Variants in AUTS2 observed in about 807,000 individuals in gnomAD.
The protein encoded by AUTS2 is autism susceptibility gene 2 protein.
A neutral mutation model predicts 112.4 loss-of-function variants in AUTS2; 17 were observed. That is an observed-to-expected ratio of 0.15 (90% CI 0.10 to 0.23). AUTS2 has a LOEUF of 0.23. AUTS2 is among the 10% of genes least tolerant of loss of function. The pLI, the probability that AUTS2 is intolerant of heterozygous loss-of-function variation, is 1.00. For missense variants in AUTS2, 1,510 were observed against 1,701.6 expected (o/e 0.89, Z 1.98); for synonymous variants, 751 against 702.7 (o/e 1.07, Z -1.09).
In AUTS2 at chr7:70,393,245, T is replaced by C. The variant is rs563462983; in HGVS notation, c.661-42507T>C. On this transcript the variant is annotated intron_variant, in intron 4 of 18. Transcript: ENST00000342771. ...CCTTGTTCCTTCTCAGTTTGTCTTGTTAGCACTCTTTCTTAGCAAGTAAGC... is the reference window on the plus strand; with the variant it reads ...CCTTGTTCCTTCTCAGTTTGTCTTGCTAGCACTCTTTCTTAGCAAGTAAGC... Among the ~76,000 whole-genome samples, 3 of 152,326 alleles carry C rather than the reference T, an allele frequency of 2.0e-5. No individual in the cohort carries two copies. The South Asian group carries it at 6.2e-4, about 32-fold the overall frequency.
chr7:70,497,328 A>G (rs1313604804), intron 5 of AUTS2, among the ~76,000 whole-genome samples: 3 of 151,932 alleles, frequency 2.0e-5, no homozygotes, highest in Non-Finnish European at 4.4e-5. Flanking sequence ...CCACTCACAC[A>G]CATCACGTAC....
At chr7:70,314,610 T>G (rs559846859) in intron 4 of AUTS2, among the ~76,000 whole-genome samples, 1 of 152,350 alleles carries the variant, frequency 6.6e-6, no homozygotes, top group South Asian at 2.1e-4. Flanking sequence ...ATTTTTTTCC[T>G]CTCATCTTAA....
intron 6 of AUTS2, among the ~76,000 whole-genome samples, chr7:70,731,002 T>C (rs1787351992): frequency 6.6e-6 from 1 of 152,226 alleles, no homozygotes; most frequent in Non-Finnish European, 1.5e-5. Context: ...CTAATGATGT[T>C]GAGCATCTTT....
At chr7:70,701,730 G>T (rs1166045621) in intron 6 of AUTS2, among the ~76,000 whole-genome samples, 1 of 152,152 alleles carries the variant, frequency 6.6e-6, no homozygotes, top group Non-Finnish European at 1.5e-5. Flanking sequence ...GCTTAGCGTT[G>T]TAGACACAAA....
intron 1 of AUTS2, among the ~76,000 whole-genome samples, chr7:69,751,374 T>G (rs1490392586): frequency 6.7e-6 from 1 of 149,154 alleles, no homozygotes; most frequent in Admixed American, 6.7e-5. Flanking sequence ...GTTCAAAATA[T>G]TTTTTTTTTG....
At chr7:70,284,178 A>G (rs1788353664) in intron 4 of AUTS2, among the ~76,000 whole-genome samples, 1 of 152,226 alleles carries the variant, frequency 6.6e-6, no homozygotes, top group Admixed American at 6.5e-5. Context: ...TTCCACATCA[A>G]TACCTTATCT....
intron 6 of AUTS2, among the ~76,000 whole-genome samples, chr7:70,761,708 C>T (rs928503412): frequency 2.0e-5 from 3 of 152,134 alleles, no homozygotes; most frequent in African/African-American, 7.2e-5. Flanking sequence ...CCCTTTTGAC[C>T]TTTGGAGGGA....
chr7:70,437,432 T>C (rs1476461004), intron 5 of AUTS2: 1 of 152,282 alleles, frequency 6.6e-6, no homozygotes, highest in Non-Finnish European at 1.5e-5. Flanking sequence ...TGGTACCTTC[T>C]GGCCATTCCA....
intron 4 of AUTS2, among the ~76,000 whole-genome samples, chr7:70,368,563 C>G (rs923655219): frequency 7.2e-5 from 11 of 152,176 alleles, no homozygotes; most frequent in Admixed American, 5.2e-4. Flanking sequence ...TCTATTCATA[C>G]TGTATGGCCA....
At chr7:70,567,024 G>A (rs1801737799) in intron 5 of AUTS2, among the ~76,000 whole-genome samples, 1 of 152,216 alleles carries the variant, frequency 6.6e-6, no homozygotes, top group Non-Finnish European at 1.5e-5. Context: ...TGGATCCCTT[G>A]TAGATTTCTC....
chr7:70,665,443 C>T (rs1342166585), intron 5 of AUTS2, among the ~76,000 whole-genome samples: 2 of 104,630 alleles, frequency 1.9e-5, no homozygotes, highest in African/African-American at 4.2e-5. Flanking sequence ...ATTTATTTAT[C>T]TATTTATCTA....
intron 1 of AUTS2, among the ~76,000 whole-genome samples, chr7:69,759,305 G>T (rs1456544865): frequency 6.6e-6 from 1 of 151,902 alleles, no homozygotes; most frequent in East Asian, 1.9e-4. Flanking sequence ...GGGATATCTT[G>T]GTGGTGGGAC....
intron 2 of AUTS2, among the ~76,000 whole-genome samples, chr7:69,936,388 C>T (rs1352299630): frequency 6.6e-6 from 1 of 152,026 alleles, no homozygotes; most frequent in Non-Finnish European, 1.5e-5. Context: ...CTCTCTCTGT[C>T]GCCCAGGCTG....
chr7:69,748,285 G>A (rs1562856184), intron 1 of AUTS2, among the ~76,000 whole-genome samples: 3 of 152,164 alleles, frequency 2.0e-5, no homozygotes, highest in Non-Finnish European at 2.9e-5. Flanking sequence ...GGGAAACTGC[G>A]TGTGTGGGGA....
At chr7:70,342,683 C>A (rs1791321323) in intron 4 of AUTS2, among the ~76,000 whole-genome samples, 1 of 152,114 alleles carries the variant, frequency 6.6e-6, no homozygotes. Flanking sequence ...CTGAACAGGG[C>A]AGATGTAGAT....
At chr7:70,584,423 G>A (rs796338818) in intron 5 of AUTS2, among the ~76,000 whole-genome samples, 5 of 152,308 alleles carry the variant, frequency 3.3e-5, no homozygotes, top group African/African-American at 1.2e-4. Flanking sequence ...TTATTTCTAG[G>A]GTTTCATTCA....
At chr7:70,016,988 G>A (rs1174832723) in intron 2 of AUTS2, among the ~76,000 whole-genome samples, 1 of 152,122 alleles carries the variant, frequency 6.6e-6, no homozygotes, top group Admixed American at 6.6e-5. Context: ...ACTTTTTAAT[G>A]ATTGTAGGGA....
rs117608326 is a variant in AUTS2, at chr7:69,807,510, C to T, written c.310-91776C>T. Among the ~76,000 whole-genome samples the T allele has an allele frequency of 5.9e-4, 90 of 152,182 alleles. 1 individual carries two copies. The South Asian group carries it at 0.011, about 18-fold the overall frequency. On this transcript the variant is annotated intron_variant, in intron 1 of 18. Transcript: ENST00000342771. ...TCAGACTCTTCATCAGATTTGGTCC[C>T]GGGAAAAGAGGTCATTGCTCTTCCT...
At chr7:69,683,654 T>C (rs1489478905) in intron 1 of AUTS2, among the ~76,000 whole-genome samples, 1 of 151,836 alleles carries the variant, frequency 6.6e-6, no homozygotes, top group African/African-American at 2.4e-5. Flanking sequence ...CCCAGCACTT[T>C]GGGAGGCTGA....
Sources: allele counts gnomAD v4.1 joint callset (sites outside exome capture counted in the v4.1 genomes callset), GRCh38; gene constraint gnomAD v4.1.1; transcripts MANE v1.5; gene names NCBI Gene and HGNC (gene_info 2026-07-23, HGNC 2026-07-21).